Variants in ANKRD11 observed in about 807,000 individuals in gnomAD.
ANKRD11 encodes the protein ankyrin repeat domain 11.
Under a neutral mutation model 195.7 loss-of-function variants are expected in ANKRD11, and 17 were observed. The ratio of observed to expected loss-of-function variants is 0.09; its 90% CI spans 0.06 to 0.13. The LOEUF is 0.13. ANKRD11 is among the 10% of genes least tolerant of loss of function. The pLI is 1.00. For synonymous variants in ANKRD11, 1,953 were observed against 1,528.1 expected (o/e 1.28, Z -6.49); for missense variants, 3,735 against 3,566.1 (o/e 1.05, Z -1.21).
chr16:89,417,311 G>A (rs956412742), intron 2 of ANKRD11, among the ~76,000 whole-genome samples: 1 of 152,150 alleles, frequency 6.6e-6, no homozygotes, highest in Non-Finnish European at 1.5e-5. Flanking sequence ...TTTTTGGAAT[G>A]TTCACTTTAA....
rs147931882 is a variant in ANKRD11 at position 89,377,043 on chromosome 16, A to G, written c.-60+41241T>C. On this transcript the variant is annotated intron_variant, in intron 2 of 12. Transcript: ENST00000301030. ...TGCTTCCATTGATGCTTTGTCCGTG[A>G]AGTCAGGAAGTACCTTGCCTTGCCA... Among the ~76,000 whole-genome samples the G allele has an allele frequency of 7.9e-5, 12 of 152,346 alleles. No individual in the cohort carries two copies. In the East Asian group the frequency reaches 2.3e-3, roughly 29 times the overall value.
intron 1 of ANKRD11, among the ~76,000 whole-genome samples, chr16:89,446,718 C>T (rs2043809906): frequency 6.6e-6 from 1 of 152,166 alleles, no homozygotes; most frequent in African/African-American, 2.4e-5. Flanking sequence ...CACACAATGA[C>T]AGTGCCACCA....
In ANKRD11 at chr16:89,371,733, C is replaced by T. The variant is rs1225278627; in HGVS notation, c.-60+46551G>A. On this transcript the variant is annotated intron_variant, in intron 2 of 12. Transcript: ENST00000301030. Reference sequence around the variant, plus strand: ...GTGGTCTCGGGTGTGGAGGGCGATGCGGACTCCCTCCTGCACCCCCTCAGG... The same window carrying T: ...GTGGTCTCGGGTGTGGAGGGCGATGTGGACTCCCTCCTGCACCCCCTCAGG... Among the ~76,000 whole-genome samples, 6 of 152,138 alleles carry T rather than the reference C, an allele frequency of 3.9e-5. No individual in the cohort carries two copies. The East Asian group carries it at 5.8e-4, about 15-fold the overall frequency.
Position 89,279,607 on chromosome 16 carries a change from G to A in ANKRD11, c.6935C>T (p.Pro2312Leu), listed in dbSNP as rs749121556. The A allele has an allele frequency of 3.5e-6, 5 of 1,438,576 alleles. No individual in the cohort carries two copies. The highest frequency in any genetic ancestry group is 2.7e-5 in the Admixed American group (1 of 37,476). 89.1% of individuals were successfully genotyped at this position (1,438,576 alleles called of 1,614,324 possible). A position where few individuals can be genotyped will look rare whatever the true frequency, so the allele number is the denominator to read the frequency against. ...CGTGGGTTTTGGTTCTGCGGCTTCCGGCTGGATGCCGCCAGGAGGGCCTTC... is the reference window on the plus strand; with the variant it reads ...CGTGGGTTTTGGTTCTGCGGCTTCCAGCTGGATGCCGCCAGGAGGGCCTTC... ...PAEGPPGGIQ[P>L]EAAEPKPTAE... is the part of the protein sequence containing the mutation. Residue 2312 changes from proline (P) to leucine (L), a missense_variant, in exon 9 of 13, where the codon CCG (proline) becomes CTG (leucine). Transcript: ENST00000301030. This position sits in a 1 kb window ranked among gnomAD's most constrained non-coding sequence, Gnocchi z 5.6.
At position 89,284,065 on chromosome 16, in the gene ANKRD11, T is replaced by C; in HGVS notation, c.2477A>G (p.Asn826Ser). The C allele has an allele frequency of 5.6e-6, 9 of 1,614,160 alleles. No individual in the cohort carries two copies. Among genetic ancestry groups the C allele is most frequent in the Non-Finnish European group, 7.6e-6 (9 of 1,180,016 alleles). Residue 826 changes from asparagine (N) to serine (S), a missense_variant, in exon 9 of 13, where the codon AAT (asparagine) becomes AGT (serine). Asn to Ser is a conservative substitution (Grantham distance 46, BLOSUM62 1). Transcript: ENST00000301030. Reference protein sequence around the residue: ...EYCNKNQFLENEDTKFSLSDD... With the variant: ...EYCNKNQFLESEDTKFSLSDD... ...AGAAAGGCTAAATTTGGTGTCTTCA[T>C]TCTCCAGAAACTGATTTTTGTTACA...
At chr16:89,334,163 A>C (rs1337005510) in intron 2 of ANKRD11, among the ~76,000 whole-genome samples, 1 of 143,986 alleles carries the variant, frequency 6.9e-6, no homozygotes, top group Admixed American at 7.1e-5. Context: ...AAAAAAAAAA[A>C]AAAAAAAAAA....
rs533585039 is a variant in ANKRD11, at chr16:89,428,606, C to T, written c.-144-10238G>A. On this transcript the variant is annotated intron_variant, in intron 1 of 12. Transcript: ENST00000301030. ...CATTATTTCCTTTAAAAATACACCACTGTCATAGGCCAGGCATGGTGGCCC... is the reference window on the plus strand; with the variant it reads ...CATTATTTCCTTTAAAAATACACCATTGTCATAGGCCAGGCATGGTGGCCC... Among the ~76,000 whole-genome samples the T allele has an allele frequency of 4.6e-5, 7 of 151,852 alleles. 1 individual carries two copies. Among genetic ancestry groups the T allele is most frequent in the East Asian group, 2.0e-4 (1 of 5,094 alleles).
chr16:89,379,641 T>C (rs1289135661), intron 2 of ANKRD11, among the ~76,000 whole-genome samples: 1 of 152,188 alleles, frequency 6.6e-6, no homozygotes, highest in Non-Finnish European at 1.5e-5. Flanking sequence ...GCTCCACCAC[T>C]GCTCTCTGCC....
chr16:89,278,292 T>C (rs1188505359), intron 9 of ANKRD11: 2 of 349,642 alleles, frequency 5.7e-6, no homozygotes, highest in South Asian at 2.1e-5. Context: ...CTGTGCCTGC[T>C]GGGAAAGACC....
intron 11 of ANKRD11, 46 bp from the exon 12 acceptor site, chr16:89,270,955 G>A (rs1401353786): frequency 4.4e-6 from 7 of 1,585,366 alleles, no homozygotes; most frequent in African/African-American, 1.3e-5. Flanking sequence ...CCCAGAGACC[G>A]CTACGGGAAG....
At chr16:89,482,265 A>C (rs1438809671) in intron 1 of ANKRD11, among the ~76,000 whole-genome samples, 1 of 152,236 alleles carries the variant, frequency 6.6e-6, no homozygotes, top group Non-Finnish European at 1.5e-5. Context: ...AAAAGCAGTC[A>C]GGTGAGCCAC....
rs1428749185 is a variant in ANKRD11, at chr16:89,280,826, C to T, written c.5716G>A (p.Ala1906Thr). 1.1e-5 allele frequency: 17 copies of T among 1,601,196 alleles called. No homozygotes were observed. Among genetic ancestry groups the T allele is most frequent in the Non-Finnish European group, 1.5e-5 (17 of 1,170,476 alleles). The change falls in exon 9 of 13, where the codon GCC (alanine) becomes ACC (threonine). Residue 1906 changes from alanine to threonine, a missense_variant. Ala to Thr is a moderately conservative substitution (Grantham distance 58). Transcript: ENST00000301030. ...GAGGTGTCCAGGTCCGGGGGAAGGG[C>T]CCCTTCGAGGGAAGGAACCAGCAGC... ...AELLVPSLEG[A>T]LPPDLDTSED...
At chr16:89,407,335 T>C (rs934195904) in intron 2 of ANKRD11, among the ~76,000 whole-genome samples, 1 of 150,740 alleles carries the variant, frequency 6.6e-6, no homozygotes, top group Non-Finnish European at 1.5e-5. Context: ...AAGGAAAAGA[T>C]GAATAGATGA....
At chr16:89,321,294 T>C (rs1167611748) in intron 2 of ANKRD11, 1 of 152,306 alleles carries the variant, frequency 6.6e-6, no homozygotes, top group Non-Finnish European at 1.5e-5. Context: ...GAGCAGGCAC[T>C]GGTGGGGAAT....
chr16:89,283,188 G>A lies in ANKRD11; in HGVS notation c.3354C>T (p.Ile1118=). 1 of 1,614,096 alleles carries A rather than the reference G, an allele frequency of 6.2e-7. No homozygotes were observed. Among genetic ancestry groups the A allele is most frequent in the Non-Finnish European group, 8.5e-7 (1 of 1,180,030 alleles). The change falls in exon 9 of 13, where the codon ATC becomes ATT. Residue 1118 remains isoleucine, a synonymous_variant. Transcript: ENST00000301030. The surrounding 1 kb of genome is among the most constrained non-coding windows in gnomAD (Gnocchi z 4.3). ...GKEKSWYIAD[I]FTDESEDDRD... is the part of the protein sequence containing the mutation. Reference sequence around the variant, plus strand: ...TGTCGTCCTCACTCTCATCTGTGAAGATGTCTGCGATGTACCAGCTTTTCT... The same window carrying A: ...TGTCGTCCTCACTCTCATCTGTGAAAATGTCTGCGATGTACCAGCTTTTCT...
intron 4 of ANKRD11, among the ~76,000 whole-genome samples, chr16:89,294,016 C>T (rs1431687435): frequency 6.6e-6 from 1 of 152,130 alleles, no homozygotes; most frequent in African/African-American, 2.4e-5. Context: ...ATCTCAGGTG[C>T]AGCTCACACC....
In ANKRD11 at chr16:89,316,934, T is replaced by G. The variant is rs368779363; in HGVS notation, c.86A>C (p.Lys29Thr). Reference sequence around the variant, plus strand: ...AGGGCTGGGAGGGGGCAGCATTACCTTTTTCCCAGTCTGCTTCTCCACCAT... The same window carrying G: ...AGGGCTGGGAGGGGGCAGCATTACCGTTTTCCCAGTCTGCTTCTCCACCAT... ...SDMVEKQTGK[K>T]DKDKVSLTKT... Residue 29 changes from lysine (K) to threonine (T), a missense_variant and splice_region_variant, in exon 3 of 13, where the codon AAG becomes ACG. Physicochemically the swap from Lys to Thr is moderately conservative, Grantham distance 78. Transcript: ENST00000301030. 4.3e-6 allele frequency: 7 copies of G among 1,612,532 alleles called. No individual in the cohort carries two copies. The African/African-American group carries it at 9.3e-5, about 22-fold the overall frequency.
At chr16:89,352,088 A>G (rs1164150799) in intron 2 of ANKRD11, among the ~76,000 whole-genome samples, 1 of 151,366 alleles carries the variant, frequency 6.6e-6, no homozygotes, top group East Asian at 2.0e-4. Context: ...CGGGGGTTTC[A>G]ACATGTTGGT....
At chr16:89,482,430 C>G (rs1418558245) in intron 1 of ANKRD11, among the ~76,000 whole-genome samples, 1 of 152,142 alleles carries the variant, frequency 6.6e-6, no homozygotes, top group Non-Finnish European at 1.5e-5. Context: ...GGAGACATGA[C>G]AACTAAATGC....
Sources: gnomAD v4.1 joint callset for allele counts (sites outside exome capture counted in the v4.1 genomes callset) on GRCh38, gnomAD v4.1.1 for gene constraint, Gnocchi (gnomAD v3.1) non-coding constraint, MANE v1.5 for transcripts, NCBI Gene and HGNC (gene_info 2026-07-23, HGNC 2026-07-21) for gene names.